LPP: variants seen among roughly 807,000 people sequenced by gnomAD.
LPP encodes the protein LIM domain containing preferred translocation partner in lipoma.
A neutral mutation model predicts 60.4 loss-of-function variants in LPP; 38 were observed. That is an observed-to-expected ratio of 0.63 (90% CI 0.49 to 0.83). LPP has a LOEUF of 0.83. LPP is among the 40% of genes least tolerant of loss of function. The probability of loss-of-function intolerance (pLI) is 0.00; values close to 1 mark genes in which losing one functional copy is unlikely to be tolerated. For missense variants in LPP, 902 were observed against 783.6 expected, an observed-to-expected ratio of 1.15 and a Z score of -1.80; for synonymous variants, 328 against 290.8, an observed-to-expected ratio of 1.13 and a Z score of -1.30.
chr3:188,276,050 A>G (rs1405155614), intron 2 of LPP, among the ~76,000 whole-genome samples: 1 of 152,240 alleles, frequency 6.6e-6, no homozygotes, highest in Admixed American at 6.5e-5. Context: ...AAGACTGAAC[A>G]GAAGTGTGAC....
At chr3:188,357,633 G>A (rs952133812) in intron 3 of LPP, among the ~76,000 whole-genome samples, 7 of 152,116 alleles carry the variant, frequency 4.6e-5, no homozygotes, top group African/African-American at 1.7e-4. Context: ...GTGGTTCCTT[G>A]TTCATTCTCT....
chr3:188,829,225 G>A (rs568083173), intron 9 of LPP, among the ~76,000 whole-genome samples: 7 of 151,992 alleles, frequency 4.6e-5, no homozygotes, highest in South Asian at 2.1e-4. Flanking sequence ...TCCCTCCACC[G>A]CCTCTCCTCG....
intron 2 of LPP, among the ~76,000 whole-genome samples, chr3:188,299,963 C>A (rs1261688658): frequency 6.6e-6 from 1 of 152,158 alleles, no homozygotes; most frequent in Non-Finnish European, 1.5e-5. Flanking sequence ...ACTCTGTAAA[C>A]AGAAAAATAC....
At chr3:188,407,493 C>T (rs1223252444) in intron 4 of LPP, among the ~76,000 whole-genome samples, 2 of 152,182 alleles carry the variant, frequency 1.3e-5, no homozygotes, top group Non-Finnish European at 2.9e-5. Context: ...TTTGGATATC[C>T]TTTTCCTCAG....
chr3:188,727,086 A>T (rs752643029), intron 8 of LPP, among the ~76,000 whole-genome samples: 28 of 152,116 alleles, frequency 1.8e-4, no homozygotes, highest in Non-Finnish European at 4.4e-5. Context: ...ATGTCTAAGG[A>T]TCTTACCCTT....
chr3:188,163,329 C>T (rs781343961), intron 1 of LPP, among the ~76,000 whole-genome samples: 6 of 152,100 alleles, frequency 3.9e-5, no homozygotes, highest in Non-Finnish European at 1.5e-5. Context: ...AGGGCAGGGT[C>T]ACTGACCTTA....
intron 9 of LPP, among the ~76,000 whole-genome samples, chr3:188,782,056 T>G (rs1463698087): frequency 6.6e-6 from 1 of 152,314 alleles, no homozygotes; most frequent in East Asian, 1.9e-4. Context: ...GACATCTTTT[T>G]ACATGGATCT....
intron 3 of LPP, among the ~76,000 whole-genome samples, chr3:188,370,102 A>G (rs936009401): frequency 1.3e-5 from 2 of 151,944 alleles, no homozygotes; most frequent in Non-Finnish European, 2.9e-5. Context: ...TAATTTTTGT[A>G]TTTTTAGTAG....
chr3:188,675,687 A>G (rs1857905985), intron 7 of LPP, among the ~76,000 whole-genome samples: 1 of 152,226 alleles, frequency 6.6e-6, no homozygotes, highest in South Asian at 2.1e-4. Context: ...ATTGAACTGG[A>G]TGAATAAAAA....
At chr3:188,541,508 C>T (rs926141630) in intron 6 of LPP, among the ~76,000 whole-genome samples, 51 of 151,650 alleles carry the variant, frequency 3.4e-4, no homozygotes, top group Non-Finnish European at 1.2e-4. Flanking sequence ...AGAGAAGTAT[C>T]TTTCCCTGCA....
At chr3:188,333,295 A>G (rs1044239690) in intron 2 of LPP, among the ~76,000 whole-genome samples, 11 of 152,168 alleles carry the variant, frequency 7.2e-5, no homozygotes, top group Admixed American at 7.2e-4. Flanking sequence ...TCTCTATTGC[A>G]AAGTGGTCAT....
intron 7 of LPP, among the ~76,000 whole-genome samples, chr3:188,622,675 T>A (rs542605309): frequency 8.9e-4 from 136 of 152,260 alleles, no homozygotes; most frequent in African/African-American, 3.1e-3. Flanking sequence ...GTATTATTGG[T>A]GATGCTGGAC....
At chr3:188,232,212 A>G (rs1473991755) in intron 2 of LPP, among the ~76,000 whole-genome samples, 6 of 152,346 alleles carry the variant, frequency 3.9e-5, no homozygotes, top group Admixed American at 3.9e-4. Flanking sequence ...AATTATGGTC[A>G]AGCTTATTAG....
intron 6 of LPP, among the ~76,000 whole-genome samples, chr3:188,597,618 T>C (rs967803594): frequency 1.3e-5 from 2 of 152,104 alleles, no homozygotes; most frequent in Admixed American, 6.6e-5. Flanking sequence ...TAAAATTAGA[T>C]TGAACTACAG....
At position 188,863,596 on chromosome 3, in the gene LPP, G is replaced by T. The variant is rs112907370; in HGVS notation, c.1411-2604G>T. On this transcript the variant is annotated intron_variant, in intron 9 of 11. Coordinates refer to ENST00000617246, the MANE Select transcript of LPP (RefSeq NM_001375462.1). ...GCCCCACTGGAGACTGAAAGGGGAAGATTGCAGTAAAAGGCGCAGGCTGTC... is the reference window on the plus strand; with the variant it reads ...GCCCCACTGGAGACTGAAAGGGGAATATTGCAGTAAAAGGCGCAGGCTGTC... 7.8e-4 allele frequency among the ~76,000 whole-genome samples: 119 copies of T among 152,296 alleles called. 1 individual carries two copies. The highest frequency in any genetic ancestry group is 2.7e-3 in the African/African-American group (114 of 41,558).
At chr3:188,284,758 C>T (rs1000230747) in intron 2 of LPP, among the ~76,000 whole-genome samples, 10 of 152,114 alleles carry the variant, frequency 6.6e-5, no homozygotes, top group Non-Finnish European at 1.2e-4. Flanking sequence ...GTAATGACTG[C>T]GAGAGACAAA....
chr3:188,686,087 T>A (rs768871436), intron 7 of LPP, among the ~76,000 whole-genome samples: 2 of 152,176 alleles, frequency 1.3e-5, no homozygotes, highest in African/African-American at 2.4e-5. Context: ...CTCCTCTGTA[T>A]AATGGGATAA....
intron 7 of LPP, among the ~76,000 whole-genome samples, chr3:188,678,646 AATAC>A (rs990809757): frequency 2.0e-5 from 3 of 152,254 alleles, no homozygotes; most frequent in African/African-American, 7.2e-5. Context: ...ATACATAAGT[AATAC>A]ATACATTCAT....
intron 3 of LPP, among the ~76,000 whole-genome samples, chr3:188,360,923 T>C (rs188618987): frequency 1.3e-5 from 2 of 152,308 alleles, no homozygotes; most frequent in East Asian, 3.9e-4. Context: ...AAAGGTCAAA[T>C]GAGATAGCGG....
Sources: allele counts gnomAD v4.1 joint callset (sites outside exome capture counted in the v4.1 genomes callset), GRCh38; gene constraint gnomAD v4.1.1; transcripts MANE v1.5; gene names NCBI Gene and HGNC (gene_info 2026-07-23, HGNC 2026-07-21).